NAA35: variants seen among roughly 807,000 people sequenced by gnomAD.
NAA35 encodes MAK10 homolog, amino-acid N-acetyltransferase subunit.
NAA35 carries 18 observed loss-of-function variants against 101.7 expected under a neutral mutation model. That is an observed-to-expected ratio of 0.18 (90% CI 0.12 to 0.26). The LOEUF is 0.26. NAA35 is among the 10% of genes least tolerant of loss of function. The pLI, the probability that NAA35 is intolerant of heterozygous loss-of-function variation, is 1.00. For missense variants in NAA35, 601 were observed against 886.8 expected (o/e 0.68, Z 4.09); for synonymous variants, 267 against 273.1 (o/e 0.98, Z 0.22).
chr9:85,950,001 A>G (rs1159119709), intron 2 of NAA35, among the ~76,000 whole-genome samples: 1 of 152,150 alleles, frequency 6.6e-6, no homozygotes, highest in African/African-American at 2.4e-5. Flanking sequence ...CAGAGGCTAC[A>G]TGATGTGTGA....
At chr9:85,942,937 C>T (rs1338417221) in intron 2 of NAA35, among the ~76,000 whole-genome samples, 1 of 152,210 alleles carries the variant, frequency 6.6e-6, no homozygotes, top group Non-Finnish European at 1.5e-5. Context: ...TCATTCTCTC[C>T]TCTGCAATTC....
chr9:85,956,915 G>C (rs2118337516), intron 3 of NAA35, among the ~76,000 whole-genome samples: 1 of 152,326 alleles, frequency 6.6e-6, no homozygotes, highest in African/African-American at 2.4e-5. Flanking sequence ...GAAAGCAGAA[G>C]GGGAGCAGTG....
chr9:85,991,665 G>C (rs181405970), intron 11 of NAA35, among the ~76,000 whole-genome samples: 303 of 152,244 alleles, frequency 2.0e-3, no homozygotes, highest in Non-Finnish European at 3.2e-3. Flanking sequence ...AAATGGAGTG[G>C]AGGTTATGGT....
At chr9:85,954,951 T>A (rs1275013702) in intron 2 of NAA35, among the ~76,000 whole-genome samples, 1 of 152,188 alleles carries the variant, frequency 6.6e-6, no homozygotes, top group African/African-American at 2.4e-5. Flanking sequence ...GGAGTCTCCT[T>A]CTGTCACCCA....
intron 1 of NAA35, chr9:85,941,571 G>C (rs762789746): frequency 1.4e-5 from 14 of 985,902 alleles, no homozygotes; most frequent in Non-Finnish European, 1.6e-5. Context: ...GGGCTGACCC[G>C]GGCAGGGCGG....
chr9:85,959,660 A>G (rs1349215160), intron 4 of NAA35, 133 bp from the exon 5 acceptor site: 2 of 580,346 alleles, frequency 3.4e-6, no homozygotes, highest in African/African-American at 1.9e-5. Context: ...GTTTTATCAG[A>G]TGATAAGATA....
intron 12 of NAA35, among the ~76,000 whole-genome samples, chr9:85,999,977 TA>T (rs1831345246): frequency 6.6e-6 from 1 of 152,164 alleles, no homozygotes; most frequent in African/African-American, 2.4e-5. Context: ...TAAATTTCTT[TA>T]AAAAAATTTT....
chr9:86,014,614 A>G (rs747815142), intron 17 of NAA35, among the ~76,000 whole-genome samples: 8 of 152,212 alleles, frequency 5.3e-5, no homozygotes, highest in African/African-American at 1.2e-4. Flanking sequence ...ATAGAGTTCA[A>G]CTTTTAAACT....
chr9:85,992,704 CTG>C (rs1187551258), intron 11 of NAA35, among the ~76,000 whole-genome samples: 2 of 152,288 alleles, frequency 1.3e-5, no homozygotes, highest in African/African-American at 2.4e-5. Context: ...GACTGAAGAA[CTG>C]TGTCAGACTG....
intron 11 of NAA35, among the ~76,000 whole-genome samples, chr9:85,982,100 C>T (rs562941095): frequency 1.6e-4 from 24 of 152,230 alleles, no homozygotes; most frequent in African/African-American, 5.8e-4. Flanking sequence ...TATGAAGATG[C>T]AGAATGCAAA....
chr9:86,001,789 G>C (rs907436137), intron 12 of NAA35, among the ~76,000 whole-genome samples: 1 of 152,108 alleles, frequency 6.6e-6, no homozygotes, highest in Non-Finnish European at 1.5e-5. Context: ...GTCTCTTGAA[G>C]ACAGCACATC....
At position 86,011,926 on chromosome 9, in the gene NAA35, A is replaced by T. The variant is rs1324769353; in HGVS notation, c.1291-1120A>T. Among the ~76,000 whole-genome samples the T allele has an allele frequency of 2.1e-5, 3 of 140,272 alleles. No individual in the cohort carries two copies. In the East Asian group the frequency reaches 6.0e-4, roughly 28 times the overall value. The allele number at this position is 140,272 out of a possible 152,430, so 92.0% of individuals were successfully genotyped here. A position where few individuals can be genotyped will look rare whatever the true frequency, so the allele number is the denominator to read the frequency against. ...ATTAATATATATTATATATCATATA[A>T]TATATACTATAATATATAATATAGT... On this transcript the variant is annotated intron_variant, in intron 15 of 22. Coordinates refer to ENST00000361671, the MANE Select transcript of NAA35 (RefSeq NM_024635.4).
intron 11 of NAA35, among the ~76,000 whole-genome samples, chr9:85,989,824 G>A (rs192795355): frequency 5.3e-5 from 8 of 152,330 alleles, no homozygotes; most frequent in Admixed American, 5.2e-4. Context: ...ATTAACCAAA[G>A]TCAGGAAGTA....
intron 18 of NAA35, among the ~76,000 whole-genome samples, chr9:86,017,289 A>G (rs908814288): frequency 6.6e-6 from 1 of 152,236 alleles, no homozygotes; most frequent in East Asian, 1.9e-4. Context: ...TTATACTGGA[A>G]TTTTATAGTA....
rs575971428 is a variant in NAA35 at position 85,972,601 on chromosome 9, C to G, written c.517-2366C>G. Among the ~76,000 whole-genome samples the G allele has an allele frequency of 4.0e-5, 6 of 151,282 alleles. No individual in the cohort carries two copies. In the East Asian group the frequency reaches 1.2e-3, roughly 29 times the overall value. On this transcript the variant is annotated intron_variant, in intron 6 of 22. Coordinates refer to ENST00000361671, the MANE Select transcript of NAA35 (RefSeq NM_024635.4). Reference sequence around the variant, plus strand: ...ATTTTTTTCTGAAAAATTAGGAGACCTGACCACACTGGCCCTGTATTCATT... The same window carrying G: ...ATTTTTTTCTGAAAAATTAGGAGACGTGACCACACTGGCCCTGTATTCATT...
chr9:85,950,686 T>G (rs1828980103), intron 2 of NAA35, among the ~76,000 whole-genome samples: 1 of 152,180 alleles, frequency 6.6e-6, no homozygotes, highest in African/African-American at 2.4e-5. Context: ...GGTACCCACA[T>G]TTACCCTAAA....
At chr9:85,950,722 T>G (rs187516476) in intron 2 of NAA35, among the ~76,000 whole-genome samples, 54 of 152,352 alleles carry the variant, frequency 3.5e-4, no homozygotes, top group Admixed American at 1.8e-3. Context: ...TACAGCAGTT[T>G]CCAAACTTTT....
chr9:85,991,139 A>G (rs899335219), intron 11 of NAA35, among the ~76,000 whole-genome samples: 1 of 151,992 alleles, frequency 6.6e-6, no homozygotes, highest in Non-Finnish European at 1.5e-5. Flanking sequence ...TCAGGAGCCT[A>G]AGTAGGATGA....
chr9:86,015,901 A>G (rs1002574859), intron 17 of NAA35: 75 of 317,882 alleles, frequency 2.4e-4, no homozygotes, highest in Non-Finnish European at 3.2e-4. Context: ...AACAAAATTC[A>G]GTTATATGGT....
Sources: gnomAD v4.1 joint callset for allele counts (sites outside exome capture counted in the v4.1 genomes callset) on GRCh38, gnomAD v4.1.1 for gene constraint, MANE v1.5 for transcripts, NCBI Gene and HGNC (gene_info 2026-07-23, HGNC 2026-07-21) for gene names.